Variants in BICRA observed in about 807,000 individuals in gnomAD.
The protein encoded by BICRA is BRD4-interacting chromatin-remodeling complex-associated protein.
A neutral mutation model predicts 96.9 loss-of-function variants in BICRA; 31 were observed. The observed-to-expected ratio is 0.32, with a 90% confidence interval of 0.24 to 0.43. The LOEUF (loss-of-function observed/expected upper bound fraction) is 0.43, where lower values mean the gene tolerates loss of function less well. Ranked by LOEUF, BICRA falls within the 20% of genes least tolerant of loss-of-function variation. The pLI is 1.00. For missense variants in BICRA, 2,283 were observed against 2,190.3 expected (o/e 1.04, Z -0.84); for synonymous variants, 1,350 against 1,071.8 (o/e 1.26, Z -5.07).
At chr19:47,608,836 AGAGGAG>A (rs554119282), upstream of BICRA, among the ~76,000 whole-genome samples, 17 of 144,480 alleles carry the variant, frequency 1.2e-4, no homozygotes, top group East Asian at 6.2e-4. Flanking sequence ...GGCGGAGGGA[AGAGGAG>A]GAGGAGGAGG....
At chr19:47,646,591 C>T (rs903791179) in intron 1 of BICRA, among the ~76,000 whole-genome samples, 2 of 152,164 alleles carry the variant, frequency 1.3e-5, no homozygotes, top group African/African-American at 2.4e-5. Flanking sequence ...GCTCAGGTCA[C>T]GCACTTCACC....
chr19:47,636,274 A>G (rs1220612670), intron 1 of BICRA, among the ~76,000 whole-genome samples: 1 of 152,094 alleles, frequency 6.6e-6, no homozygotes, highest in African/African-American at 2.4e-5. Context: ...TGGTATAATC[A>G]TAGCTCACTG....
At position 47,694,392 on chromosome 19, in the gene BICRA, C is replaced by T. The variant is rs1973294245; in HGVS notation, c.2561C>T (p.Ala854Val). ...CCTGCCAGCAACCCGGCCCCTACTG[C>T]CCCAGGCCCGCCGCAGCCGCCTCTC... The part of the protein sequence containing the change: ...PPPASNPAPT[A>V]PGPPQPPLRP... The change falls in exon 8 of 15, where the codon GCC (alanine) becomes GTC (valine). Residue 854 changes from alanine (A) to valine (V), a missense_variant. Transcript: ENST00000594866. 1 of 1,118,188 alleles carries T rather than the reference C, an allele frequency of 8.9e-7. No individual in the cohort carries two copies. Among genetic ancestry groups the T allele is most frequent in the Non-Finnish European group, 1.3e-6 (1 of 752,460 alleles). 69.3% of individuals were successfully genotyped at this position (1,118,188 alleles called of 1,614,324 possible). A position where few individuals can be genotyped will look rare whatever the true frequency, so the allele number is the denominator to read the frequency against.
intron 1 of BICRA, among the ~76,000 whole-genome samples, chr19:47,625,078 C>T (rs993547050): frequency 6.9e-6 from 1 of 145,556 alleles, no homozygotes; most frequent in Non-Finnish European, 1.5e-5. Flanking sequence ...CAGCTCACTG[C>T]AACCTCCACC....
At chr19:47,623,304 C>T (rs572742239) in intron 1 of BICRA, among the ~76,000 whole-genome samples, 45 of 152,180 alleles carry the variant, frequency 3.0e-4, no homozygotes, top group Middle Eastern at 3.4e-3. Context: ...TTTAGAGGGT[C>T]GCCTTGTTGG....
At chr19:47,615,801 T>G (rs951403383) in intron 1 of BICRA, 24 of 152,222 alleles carry the variant, frequency 1.6e-4, no homozygotes, top group African/African-American at 5.1e-4. Flanking sequence ...AAGCAATTCC[T>G]TTGCATGGCC....
chr19:47,681,562 C>A (rs1489541565), intron 6 of BICRA, among the ~76,000 whole-genome samples: 1 of 152,024 alleles, frequency 6.6e-6, no homozygotes, highest in African/African-American at 2.4e-5. Flanking sequence ...AAGAGAGGGA[C>A]CAGTGAACAG....
intron 7 of BICRA, among the ~76,000 whole-genome samples, chr19:47,691,576 A>G (rs1241679351): frequency 6.6e-6 from 1 of 151,960 alleles, no homozygotes; most frequent in African/African-American, 2.4e-5. Flanking sequence ...GTATTTATTT[A>G]TTTTTGAGTC....
chr19:47,682,144 G>T lies in BICRA; in HGVS notation c.2275G>T (p.Ala759Ser). 6.9e-7 allele frequency: 1 copy of T among 1,458,880 alleles called. No individual in the cohort carries two copies. The highest frequency in any genetic ancestry group is 9.3e-7 in the Non-Finnish European group (1 of 1,076,106). 90.4% of individuals were successfully genotyped at this position (1,458,880 alleles called of 1,614,324 possible). A position where few individuals can be genotyped will look rare whatever the true frequency, so the allele number is the denominator to read the frequency against. The stretch of plus-strand genomic sequence containing the variant: ...CGACAGCCAGGCTTCCCCGGCTCCG[G>T]CCCCCCAGGTAGAGGGACCCCAGCA... Reference protein sequence around the residue: ...APDSQASPAPAPQIPAAAPLK... With the variant: ...APDSQASPAPSPQIPAAAPLK... The change falls in exon 7 of 15, where the codon GCC becomes TCC. Residue 759 changes from alanine to serine, a missense_variant. Physicochemically the swap from Ala to Ser is moderately conservative, Grantham distance 99 (BLOSUM62 1). Coordinates refer to ENST00000594866, the MANE Select transcript of BICRA (RefSeq NM_001394372.1).
chr19:47,654,988 C>T (rs776145356), intron 1 of BICRA, among the ~76,000 whole-genome samples: 1 of 152,044 alleles, frequency 6.6e-6, no homozygotes, highest in Non-Finnish European at 1.5e-5. Context: ...TTGCAGATTT[C>T]ATCTAATCGC....
chr19:47,634,540 G>T lies in BICRA; in HGVS notation c.-108+25372G>T, dbSNP rs552568904. On this transcript the variant is annotated intron_variant, in intron 1 of 14. Transcript: ENST00000594866. ...ACCACTTTGCGAAACTCACTAGGTT[G>T]TCGAGAGACACCTCAGACTTAATGT... 8.7e-4 allele frequency among the ~76,000 whole-genome samples: 133 copies of T among 152,262 alleles called. 1 individual carries two copies. The highest frequency in any genetic ancestry group is 3.1e-3 in the African/African-American group (130 of 41,542).
intron 7 of BICRA, among the ~76,000 whole-genome samples, chr19:47,685,786 T>TGTGTGTGTGCGCGCGCGC: frequency 1.9e-4 from 23 of 117,960 alleles, no homozygotes; most frequent in African/African-American, 5.8e-4. Flanking sequence ...TGTGTGTGTG[T>TGTGTGTGTGCGCGCGCGC]GCGCGCGCGC....
At chr19:47,686,902 G>A (rs1391251791) in intron 7 of BICRA, among the ~76,000 whole-genome samples, 1 of 152,196 alleles carries the variant, frequency 6.6e-6, no homozygotes, top group Non-Finnish European at 1.5e-5. Context: ...GTACCACGGT[G>A]TCCTTGCGTG....
chr19:47,624,695 T>C (rs1009516604), intron 1 of BICRA, among the ~76,000 whole-genome samples: 1 of 136,698 alleles, frequency 7.3e-6, no homozygotes, highest in African/African-American at 3.1e-5. Flanking sequence ...ACGCCCTGAC[T>C]TTTTTTTTTT....
chr19:47,640,359 C>T (rs1420872327), intron 1 of BICRA, among the ~76,000 whole-genome samples: 1 of 151,884 alleles, frequency 6.6e-6, no homozygotes, highest in Non-Finnish European at 1.5e-5. Context: ...TGGCAAAAAT[C>T]TCTCTACTAA....
intron 1 of BICRA, among the ~76,000 whole-genome samples, chr19:47,642,697 G>C (rs1972401093): frequency 6.6e-6 from 1 of 151,984 alleles, no homozygotes; most frequent in Non-Finnish European, 1.5e-5. Context: ...GTGAGACCCT[G>C]TCTCAAAAAG....
intron 1 of BICRA, among the ~76,000 whole-genome samples, chr19:47,633,943 C>T (rs1972261004): frequency 6.6e-6 from 1 of 152,182 alleles, no homozygotes; most frequent in Admixed American, 6.5e-5. Flanking sequence ...TCACCCTGTC[C>T]CCCTCCAAAG....
chr19:47,656,674 C>T (rs999425344), intron 1 of BICRA, among the ~76,000 whole-genome samples: 35 of 152,124 alleles, frequency 2.3e-4, no homozygotes, highest in African/African-American at 4.6e-4. Flanking sequence ...AAAACTGAAG[C>T]GCGCAGCTTG....
At chr19:47,693,935 G>A (rs1367734436) in intron 7 of BICRA, among the ~76,000 whole-genome samples, 180 bp from the exon 8 acceptor site, 3 of 152,112 alleles carry the variant, frequency 2.0e-5, no homozygotes, top group Non-Finnish European at 4.4e-5. Flanking sequence ...AGGGGGTGCT[G>A]TGGGGAATGA....
Sources: allele counts gnomAD v4.1 joint callset (sites outside exome capture counted in the v4.1 genomes callset), GRCh38; gene constraint gnomAD v4.1.1; transcripts MANE v1.5; gene names NCBI Gene and HGNC (gene_info 2026-07-23, HGNC 2026-07-21).